Variants in RPRD1A observed in about 807,000 individuals in gnomAD.
The protein encoded by RPRD1A is regulation of nuclear pre-mRNA domain-containing protein 1A.
A neutral mutation model predicts 37.8 loss-of-function variants in RPRD1A; 9 were observed. The observed-to-expected ratio is 0.24, with a 90% CI of 0.14 to 0.42. The LOEUF is 0.42. Ranked by LOEUF, RPRD1A falls within the 10% of genes least tolerant of loss-of-function variation. RPRD1A has a pLI of 1.00. For missense variants in RPRD1A, 255 were observed against 371.0 expected, an observed-to-expected ratio of 0.69 and a Z score of 2.57; for synonymous variants, 138 against 139.7, an observed-to-expected ratio of 0.99 and a Z score of 0.08.
intron 6 of RPRD1A, among the ~76,000 whole-genome samples, chr18:36,000,445 T>C (rs1909345560): frequency 6.6e-6 from 1 of 152,212 alleles, no homozygotes; most frequent in African/African-American, 2.4e-5. Flanking sequence ...AAATCCACTA[T>C]TGCAGAGTTT....
chr18:36,040,356 G>T (rs751347592), intron 1 of RPRD1A, among the ~76,000 whole-genome samples: 16 of 152,194 alleles, frequency 1.1e-4, no homozygotes, highest in Non-Finnish European at 1.9e-4. Context: ...ATGTGTAAAT[G>T]TGTTATGAAA....
chr18:35,993,939 T>A (rs552437827), intron 6 of RPRD1A, among the ~76,000 whole-genome samples: 10 of 152,330 alleles, frequency 6.6e-5, no homozygotes, highest in African/African-American at 1.9e-4. Flanking sequence ...TTCCTTCTTA[T>A]GCGTGGAGGA....
At chr18:36,051,162 T>C (rs572774316) in intron 1 of RPRD1A, among the ~76,000 whole-genome samples, 1 of 152,308 alleles carries the variant, frequency 6.6e-6, no homozygotes, top group South Asian at 2.1e-4. Flanking sequence ...TTTGCCTTAA[T>C]TAATGATTAG....
intron 1 of RPRD1A, among the ~76,000 whole-genome samples, chr18:36,061,770 C>T (rs566736606): frequency 6.6e-6 from 1 of 152,118 alleles, no homozygotes; most frequent in South Asian, 2.1e-4. Flanking sequence ...ACCTAGAATA[C>T]ATTGGGAACA....
intron 1 of RPRD1A, among the ~76,000 whole-genome samples, chr18:36,049,456 T>C (rs892300014): frequency 2.6e-5 from 4 of 151,814 alleles, no homozygotes; most frequent in African/African-American, 9.7e-5. Context: ...ACTTAGGGAG[T>C]TGGTGGTCTT....
Position 35,991,910 on chromosome 18 carries a change from G to A in RPRD1A, c.*1241C>T, listed in dbSNP as rs1322456696. ...AATTTGAATCTACTTACAAAGAGAAGAAAAATGTCTAGTATGTAAAGCAAT... is the reference window on the plus strand; with the variant it reads ...AATTTGAATCTACTTACAAAGAGAAAAAAAATGTCTAGTATGTAAAGCAAT... On this transcript the variant is annotated 3_prime_UTR_variant, in exon 7 of 7. Transcript: ENST00000399022. The A allele has an allele frequency of 6.6e-6, 1 of 152,246 alleles. No individual in the cohort carries two copies. The highest frequency in any genetic ancestry group is 2.4e-5 in the African/African-American group (1 of 41,434). 9.4% of individuals were successfully genotyped at this position (152,246 alleles called of 1,614,324 possible).
At chr18:36,036,599 G>A (rs1912210148) in intron 1 of RPRD1A, among the ~76,000 whole-genome samples, 1 of 152,004 alleles carries the variant, frequency 6.6e-6, no homozygotes, top group Non-Finnish European at 1.5e-5. Context: ...AAAATACCCA[G>A]CAATCATCAC....
At chr18:36,027,770 A>G (rs1911479419) in intron 4 of RPRD1A, 1 of 153,212 alleles carries the variant, frequency 6.5e-6, no homozygotes, top group Non-Finnish European at 1.5e-5. Context: ...ATCTACTACA[A>G]CACAGAAGAG....
chr18:36,041,769 T>A (rs578174772), intron 1 of RPRD1A, among the ~76,000 whole-genome samples: 1 of 152,368 alleles, frequency 6.6e-6, no homozygotes, highest in East Asian at 1.9e-4. Context: ...TTAGTCAACA[T>A]CTTTGCCACA....
chr18:36,006,841 T>C (rs1199014666), intron 6 of RPRD1A, among the ~76,000 whole-genome samples: 1 of 152,124 alleles, frequency 6.6e-6, no homozygotes, highest in Non-Finnish European at 1.5e-5. Flanking sequence ...CCTAGCTCAC[T>C]AGCAGTAGAC....
intron 1 of RPRD1A, among the ~76,000 whole-genome samples, chr18:36,042,091 A>T (rs1912623093): frequency 6.6e-6 from 1 of 152,194 alleles, no homozygotes; most frequent in Admixed American, 6.5e-5. Context: ...GGCCTTAAAC[A>T]AAGAGGTCTC....
chr18:36,008,245 C>T (rs532182373), intron 6 of RPRD1A, among the ~76,000 whole-genome samples: 27 of 152,068 alleles, frequency 1.8e-4, no homozygotes, highest in African/African-American at 6.5e-4. Flanking sequence ...TTAAACTATT[C>T]CTTGGGTGCT....
intron 6 of RPRD1A, among the ~76,000 whole-genome samples, chr18:36,000,972 G>A (rs1248395899): frequency 6.6e-6 from 1 of 152,176 alleles, no homozygotes; most frequent in Non-Finnish European, 1.5e-5. Flanking sequence ...AACTAGTTAT[G>A]TTCCTAAAAC....
In RPRD1A at chr18:35,993,382, CTATA is replaced by C. The variant is rs1009026025; in HGVS notation, c.790-86_790-83del. 13 of 1,371,614 alleles carry C rather than the reference CTATA, an allele frequency of 9.5e-6. No homozygotes were observed. In the African/African-American group the frequency reaches 1.9e-4, roughly 20 times the overall value. 85.0% of individuals were successfully genotyped at this position (1,371,614 alleles called of 1,614,324 possible). A position where few individuals can be genotyped will look rare whatever the true frequency, so the allele number is the denominator to read the frequency against. On this transcript the variant is annotated intron_variant, in intron 6 of 6. Transcript: ENST00000399022. Reference sequence around the variant, plus strand: ...ATAATGACCTACATAAACCCAGGTACTATATATACTCAGTTAATGCCATATTTAA... The same window carrying C: ...ATAATGACCTACATAAACCCAGGTACTATACTCAGTTAATGCCATATTTAA...
chr18:36,067,033 A>G (rs1321430276), intron 1 of RPRD1A, among the ~76,000 whole-genome samples: 3 of 152,194 alleles, frequency 2.0e-5, no homozygotes. Flanking sequence ...GTGTTAAGCT[A>G]ACCGGAGTTT....
At chr18:36,027,133 T>G in intron 5 of RPRD1A, 51 bp downstream of exon 5, 1 of 1,612,682 alleles carries the variant, frequency 6.2e-7, no homozygotes. Flanking sequence ...CATATGCTGT[T>G]CTCTCATCCC....
At chr18:36,010,759 G>A (rs114304913) in intron 6 of RPRD1A, among the ~76,000 whole-genome samples, 2,010 of 152,224 alleles carry the variant, frequency 0.013, 41 homozygotes, top group African/African-American at 0.046. Context: ...CTACTTCCAA[G>A]AAATCATGAA....
chr18:36,020,756 G>A (rs1329913594), intron 6 of RPRD1A, among the ~76,000 whole-genome samples: 1 of 151,976 alleles, frequency 6.6e-6, no homozygotes, highest in African/African-American at 2.4e-5. Flanking sequence ...TGAGGTTACA[G>A]TGAGCTATGA....
intron 2 of RPRD1A, 108 bp from the exon 3 acceptor site, chr18:36,031,205 G>A: frequency 7.6e-7 from 1 of 1,324,418 alleles, no homozygotes; most frequent in Non-Finnish European, 9.9e-7. Context: ...TCATTCCCTG[G>A]AAAAAACTGT....
Sources: allele counts gnomAD v4.1 joint callset (sites outside exome capture counted in the v4.1 genomes callset), GRCh38; gene constraint gnomAD v4.1.1; transcripts MANE v1.5; gene names NCBI Gene and HGNC (gene_info 2026-07-23, HGNC 2026-07-21).